HECW1: variants seen among roughly 807,000 people sequenced by gnomAD.
HECW1 encodes the protein E3 ubiquitin-protein ligase HECW1.
A neutral mutation model predicts 182.3 loss-of-function variants in HECW1; 61 were observed. The ratio of observed to expected loss-of-function variants is 0.33; its 90% CI spans 0.27 to 0.41. The LOEUF is 0.41. HECW1 is among the 10% of genes least tolerant of loss of function. HECW1 has a pLI of 1.00. For missense variants in HECW1, 1,739 were observed against 2,108.9 expected (o/e 0.82, Z 3.44); for synonymous variants, 859 against 832.6 (o/e 1.03, Z -0.55).
chr7:43,509,347 G>A, intron 24 of HECW1: 1 of 441,554 alleles, frequency 2.3e-6, no homozygotes, highest in East Asian at 3.7e-5. Flanking sequence ...AAATTGATGT[G>A]AGAAAGAATA....
rs2077902796 is a variant in HECW1, at chr7:43,468,982, G to A, written c.2976G>A (p.Arg992=). The part of the protein sequence containing the change: ...CLKHMILKVR[R]DARNFERYQH... ...AGCACATGATTCTGAAAGTCCGACG[G>A]GATGCTCGCAATTTTGAACGCTACC... The change falls in exon 16 of 30, where the codon CGG becomes CGA. Residue 992 remains arginine, a synonymous_variant. Coordinates refer to ENST00000395891, the MANE Select transcript of HECW1 (RefSeq NM_015052.5). 1 of 1,614,138 alleles carries A rather than the reference G, an allele frequency of 6.2e-7. No individual in the cohort carries two copies. The highest frequency in any genetic ancestry group is 1.1e-5 in the South Asian group (1 of 91,074).
chr7:43,254,070 GTC>G (rs1800313520), intron 3 of HECW1, among the ~76,000 whole-genome samples: 1 of 152,176 alleles, frequency 6.6e-6, no homozygotes, highest in South Asian at 2.1e-4. Flanking sequence ...CTGACTGCTA[GTC>G]TTTCTATCTA....
intron 19 of HECW1, among the ~76,000 whole-genome samples, chr7:43,496,596 C>T (rs1460519446): frequency 1.3e-5 from 2 of 152,152 alleles, no homozygotes; most frequent in African/African-American, 4.8e-5. Flanking sequence ...TACCACTCTC[C>T]TCAGGACCCC....
At chr7:43,269,937 A>C (rs1802204610) in intron 3 of HECW1, among the ~76,000 whole-genome samples, 1 of 152,240 alleles carries the variant, frequency 6.6e-6, no homozygotes, top group Admixed American at 6.5e-5. Context: ...TATCTGGCTC[A>C]AAATGTAAAA....
intron 6 of HECW1, among the ~76,000 whole-genome samples, chr7:43,369,788 G>C (rs1202824385): frequency 6.6e-6 from 1 of 152,194 alleles, no homozygotes; most frequent in African/African-American, 2.4e-5. Flanking sequence ...TCAGGGATTA[G>C]AGGCAAGGAG....
intron 2 of HECW1, among the ~76,000 whole-genome samples, chr7:43,130,860 A>G (rs1041717021): frequency 3.8e-5 from 4 of 105,668 alleles, no homozygotes; most frequent in African/African-American, 1.3e-4. Flanking sequence ...AGAAATGCTC[A>G]ACCTGTATTA....
intron 8 of HECW1, among the ~76,000 whole-genome samples, chr7:43,421,031 G>T (rs534533019): frequency 6.6e-6 from 1 of 152,304 alleles, no homozygotes; most frequent in South Asian, 2.1e-4. Context: ...CTTTTATACT[G>T]CCGGATGTCC....
At chr7:43,256,567 C>T (rs1327747842) in intron 3 of HECW1, among the ~76,000 whole-genome samples, 3 of 150,116 alleles carry the variant, frequency 2.0e-5, no homozygotes, top group Non-Finnish European at 4.4e-5. Context: ...CAAGATTGCG[C>T]CACTGCACTC....
intron 2 of HECW1, among the ~76,000 whole-genome samples, chr7:43,146,241 T>C (rs1255245134): frequency 6.6e-6 from 1 of 152,228 alleles, no homozygotes; most frequent in Non-Finnish European, 1.5e-5. Flanking sequence ...GGTCCAATAA[T>C]TCTTTTTTGT....
intron 5 of HECW1, among the ~76,000 whole-genome samples, chr7:43,326,240 A>G (rs1293299805): frequency 6.6e-6 from 1 of 152,228 alleles, no homozygotes. Flanking sequence ...CTGATGATAC[A>G]TAACAGAAAA....
At chr7:43,412,315 G>C (rs1375685359) in intron 8 of HECW1, among the ~76,000 whole-genome samples, 1 of 151,718 alleles carries the variant, frequency 6.6e-6, no homozygotes. Context: ...CCTACATGAC[G>C]ATGTTAAAAA....
At chr7:43,195,625 T>C (rs1794386976) in intron 2 of HECW1, among the ~76,000 whole-genome samples, 5 of 152,184 alleles carry the variant, frequency 3.3e-5, no homozygotes, top group African/African-American at 7.2e-5. Flanking sequence ...GGACCTGGAC[T>C]CAAGCCGATG....
At chr7:43,534,223 G>A (rs947712981) in intron 24 of HECW1, among the ~76,000 whole-genome samples, 2 of 152,016 alleles carry the variant, frequency 1.3e-5, no homozygotes, top group Non-Finnish European at 2.9e-5. Context: ...TATTTTCTTG[G>A]CTTGGCAAAC....
chr7:43,337,947 T>C (rs1412112823), intron 5 of HECW1, among the ~76,000 whole-genome samples: 2 of 152,210 alleles, frequency 1.3e-5, no homozygotes, highest in Non-Finnish European at 2.9e-5. Context: ...CAACTACCAA[T>C]TGAATATGCA....
At chr7:43,500,003 CAT>C (rs1055059700) in intron 19 of HECW1, among the ~76,000 whole-genome samples, 6 of 152,160 alleles carry the variant, frequency 3.9e-5, no homozygotes, top group Admixed American at 1.3e-4. Context: ...AATGTGGCAT[CAT>C]AAATTTTCCA....
intron 5 of HECW1, among the ~76,000 whole-genome samples, chr7:43,332,490 A>T (rs1304407330): frequency 6.6e-6 from 1 of 152,196 alleles, no homozygotes; most frequent in East Asian, 1.9e-4. Context: ...TTGGCAGGCA[A>T]GAATATGGGG....
At chr7:43,443,807 C>T (rs1280691989) in intron 10 of HECW1, among the ~76,000 whole-genome samples, 1 of 152,176 alleles carries the variant, frequency 6.6e-6, no homozygotes, top group Non-Finnish European at 1.5e-5. Context: ...GCATAGGAAA[C>T]ATTCTGAGCA....
At chr7:43,327,916 C>T (rs930163072) in intron 5 of HECW1, among the ~76,000 whole-genome samples, 11 of 151,536 alleles carry the variant, frequency 7.3e-5, no homozygotes, top group African/African-American at 2.7e-4. Flanking sequence ...CTGAGAAGTA[C>T]AGGAAAGATA....
At chr7:43,178,152 G>A (rs1228391617) in intron 2 of HECW1, among the ~76,000 whole-genome samples, 2 of 152,148 alleles carry the variant, frequency 1.3e-5, no homozygotes, top group Admixed American at 1.3e-4. Context: ...TACTACAGGT[G>A]CCCACCACCA....
Sources: allele counts gnomAD v4.1 joint callset (sites outside exome capture counted in the v4.1 genomes callset), GRCh38; gene constraint gnomAD v4.1.1; transcripts MANE v1.5; gene names NCBI Gene and HGNC (gene_info 2026-07-23, HGNC 2026-07-21).